The following SLC4A10 variants were observed in gnomAD, a reference collection of about 807,000 sequenced individuals.
SLC4A10 encodes the protein solute carrier family 4 member 10.
SLC4A10 carries 42 observed loss-of-function variants against 137.7 expected under a neutral mutation model. The observed-to-expected ratio is 0.30, with a 90% CI of 0.24 to 0.39. The LOEUF (loss-of-function observed/expected upper bound fraction) is 0.39. SLC4A10 is among the 10% of genes least tolerant of loss of function. The pLI, the probability that SLC4A10 is intolerant of heterozygous loss-of-function variation, is 1.00. For synonymous variants in SLC4A10, 474 were observed against 464.1 expected (o/e 1.02, Z -0.27); for missense variants, 925 against 1,355.0 (o/e 0.68, Z 4.98).
rs150066885 is a variant in SLC4A10 at position 161,950,920 on chromosome 2, A to G, written c.2541+72A>G. On this transcript the variant is annotated intron_variant, in intron 19 of 26. Transcript: ENST00000446997. ...ATCAACTGATGTTCATTTGACTTCT[A>G]TATTCTGTATTCATTTGCACAGTGA... 4.4e-4 allele frequency: 537 copies of G among 1,224,470 alleles called. 2 individuals are homozygous for G. The East Asian group carries it at 0.012, about 28-fold the overall frequency. 75.9% of individuals were successfully genotyped at this position (1,224,470 alleles called of 1,614,324 possible).
chr2:161,719,019 C>T (rs1255038508), intron 1 of SLC4A10, among the ~76,000 whole-genome samples: 1 of 152,088 alleles, frequency 6.6e-6, no homozygotes, highest in Non-Finnish European at 1.5e-5. Context: ...CGTCATTTAG[C>T]ATTAGTTATA....
chr2:161,928,100 T>G (rs1289519674), intron 15 of SLC4A10, among the ~76,000 whole-genome samples: 2 of 150,782 alleles, frequency 1.3e-5, no homozygotes, highest in Non-Finnish European at 3.0e-5. Context: ...TTATTCACAA[T>G]AGCAAAGACT....
intron 15 of SLC4A10, among the ~76,000 whole-genome samples, chr2:161,933,549 C>T (rs1333493491): frequency 6.6e-6 from 1 of 152,046 alleles, no homozygotes; most frequent in Non-Finnish European, 1.5e-5. Context: ...CATGCCACCA[C>T]ATCTGCCTAA....
chr2:161,783,680 A>G (rs1319198414), intron 2 of SLC4A10, among the ~76,000 whole-genome samples: 2 of 151,896 alleles, frequency 1.3e-5, no homozygotes, highest in Admixed American at 6.6e-5. Flanking sequence ...ATGTCATTGA[A>G]CTTAAGTTGT....
In SLC4A10 at chr2:161,660,554, A is replaced by ATCTT. The variant is rs1228171819; in HGVS notation, c.48+35989_48+35990insCTTT. ...ACATTAATAGTTTGTGTACTCATCTATATTTCTTTCTTTCTTTCTTTCTTT... is the reference window on the plus strand; with the variant it reads ...ACATTAATAGTTTGTGTACTCATCTATCTTTATTTCTTTCTTTCTTTCTTTCTTT... On this transcript the variant is annotated intron_variant, in intron 1 of 26. Transcript: ENST00000446997. Among the ~76,000 whole-genome samples the ATCTT allele has an allele frequency of 5.2e-5, 7 of 133,438 alleles. No individual in the cohort carries two copies. In the East Asian group the frequency reaches 1.6e-3, roughly 30 times the overall value. The allele number at this position is 133,438 out of a possible 152,430, so 87.5% of individuals were successfully genotyped here.
chr2:161,894,743 TTC>T lies in SLC4A10; in HGVS notation c.1261_1262del (p.Leu421GlyfsTer51). Reference sequence around the variant, plus strand: ...GACTTGGTATCAGGAATTGATGAGTTTCTGGATCAGGTTACTGTTCTCCCTCC... The same window carrying T: ...GACTTGGTATCAGGAATTGATGAGTTTGGATCAGGTTACTGTTCTCCCTCC... On this transcript the variant is annotated frameshift_variant, in exon 11 of 27. Coordinates refer to ENST00000446997, the MANE Select transcript of SLC4A10 (RefSeq NM_001178015.2). LOFTEE classifies it high-confidence loss of function. 1 of 1,448,938 alleles carries T rather than the reference TTC, an allele frequency of 6.9e-7. No individual in the cohort carries two copies. The highest frequency in any genetic ancestry group is 9.2e-7 in the Non-Finnish European group (1 of 1,090,308). The allele number at this position is 1,448,938 out of a possible 1,614,324, so 89.8% of individuals were successfully genotyped here.
At chr2:161,919,427 T>A (rs1175496124) in intron 15 of SLC4A10, among the ~76,000 whole-genome samples, 1 of 152,036 alleles carries the variant, frequency 6.6e-6, no homozygotes, top group African/African-American at 2.4e-5. Context: ...TGCTCACCCA[T>A]GGCCACCCAT....
At chr2:161,805,378 C>T (rs529403807) in intron 3 of SLC4A10, among the ~76,000 whole-genome samples, 2 of 152,254 alleles carry the variant, frequency 1.3e-5, no homozygotes, top group South Asian at 2.1e-4. Flanking sequence ...CAAAACCAAT[C>T]GTGCCTTCCC....
intron 15 of SLC4A10, among the ~76,000 whole-genome samples, chr2:161,934,590 C>T (rs866363458): frequency 1.3e-5 from 2 of 152,020 alleles, no homozygotes; most frequent in Non-Finnish European, 1.5e-5. Flanking sequence ...TAGGTTGCTT[C>T]GAAATCTTGG....
At chr2:161,637,960 T>G (rs1474887558) in intron 1 of SLC4A10, among the ~76,000 whole-genome samples, 1 of 152,144 alleles carries the variant, frequency 6.6e-6, no homozygotes, top group Non-Finnish European at 1.5e-5. Flanking sequence ...GTGATTTAAT[T>G]TTTGCTATTT....
At chr2:161,928,442 C>G (rs1427776850) in intron 15 of SLC4A10, among the ~76,000 whole-genome samples, 2 of 149,726 alleles carry the variant, frequency 1.3e-5, no homozygotes, top group Non-Finnish European at 3.0e-5. Flanking sequence ...TTAATGGGTG[C>G]AGCACACCAG....
chr2:161,687,220 G>C (rs1055073697), intron 1 of SLC4A10, among the ~76,000 whole-genome samples: 3 of 152,002 alleles, frequency 2.0e-5, no homozygotes, highest in Non-Finnish European at 4.4e-5. Flanking sequence ...ATGATGAATT[G>C]CTAAGTGGAA....
chr2:161,686,841 T>G (rs1435266152), intron 1 of SLC4A10, among the ~76,000 whole-genome samples: 1 of 151,896 alleles, frequency 6.6e-6, no homozygotes, highest in Non-Finnish European at 1.5e-5. Context: ...CAAGGGCTGC[T>G]GGTTGCCCAT....
At chr2:161,712,586 T>C (rs923547422) in intron 1 of SLC4A10, among the ~76,000 whole-genome samples, 5 of 151,822 alleles carry the variant, frequency 3.3e-5, no homozygotes, top group African/African-American at 1.2e-4. Flanking sequence ...ATATTATAAA[T>C]AGAATGCTAC....
chr2:161,885,287 A>T (rs1575450760), intron 10 of SLC4A10, among the ~76,000 whole-genome samples: 1 of 69,566 alleles, frequency 1.4e-5, no homozygotes. Flanking sequence ...TACTTTGGTT[A>T]AAAAAAATAG....
intron 1 of SLC4A10, among the ~76,000 whole-genome samples, chr2:161,769,927 A>T (rs1441788648): frequency 7.2e-6 from 1 of 139,042 alleles, no homozygotes. Flanking sequence ...CCAATGTCTG[A>T]TGCTCCAATG....
At chr2:161,826,519 G>A (rs2058030656) in intron 3 of SLC4A10, among the ~76,000 whole-genome samples, 1 of 152,128 alleles carries the variant, frequency 6.6e-6, no homozygotes, top group Non-Finnish European at 1.5e-5. Context: ...AAAAAATAGA[G>A]TGCTTTTGGA....
At chr2:161,681,281 G>C (rs546196202) in intron 1 of SLC4A10, among the ~76,000 whole-genome samples, 1 of 152,108 alleles carries the variant, frequency 6.6e-6, no homozygotes, top group Non-Finnish European at 1.5e-5. Flanking sequence ...GCCATACACT[G>C]TTAAAAACTT....
At chr2:161,836,123 G>A (rs562061800) in intron 3 of SLC4A10, among the ~76,000 whole-genome samples, 1 of 152,302 alleles carries the variant, frequency 6.6e-6, no homozygotes, top group Admixed American at 6.5e-5. Context: ...TATTGTTGAT[G>A]ACTGTTCTCA....
Sources: gnomAD v4.1 joint callset for allele counts (sites outside exome capture counted in the v4.1 genomes callset) on GRCh38, gnomAD v4.1.1 for gene constraint, MANE v1.5 for transcripts, NCBI Gene and HGNC (gene_info 2026-07-23, HGNC 2026-07-21) for gene names.